The following ZCCHC14 variants were observed in gnomAD, a reference collection of about 807,000 sequenced individuals.
ZCCHC14 encodes zinc finger CCHC-type containing 14.
A neutral mutation model predicts 85.0 loss-of-function variants in ZCCHC14; 16 were observed. The ratio of observed to expected loss-of-function variants is 0.19; its 90% confidence interval spans 0.13 to 0.29. The LOEUF (loss-of-function observed/expected upper bound fraction) is 0.29. ZCCHC14 is among the 10% of genes least tolerant of loss of function. ZCCHC14 has a pLI of 1.00. For missense variants in ZCCHC14, 1,303 were observed against 1,443.5 expected (o/e 0.90, Z 1.58); for synonymous variants, 775 against 630.7 (o/e 1.23, Z -3.43).
chr16:87,419,370 G>A (rs1194145887), intron 6 of ZCCHC14, among the ~76,000 whole-genome samples: 1 of 152,130 alleles, frequency 6.6e-6, no homozygotes, highest in Non-Finnish European at 1.5e-5. Flanking sequence ...GTGCAATCTC[G>A]GCTCACTGCA....
In ZCCHC14 at chr16:87,492,907, CGCGGCG is replaced by C. The variant is rs766547110; in HGVS notation, c.-675_-670del. Among the ~76,000 whole-genome samples the C allele has an allele frequency of 0.024, 3,496 of 148,072 alleles. 103 individuals carry two copies. Among genetic ancestry groups the C allele is most frequent in the Admixed American group, 0.077 (1,161 of 14,994 alleles). On this transcript the variant is annotated 5_prime_UTR_variant, in exon 1 of 13. Transcript: ENST00000671377. This position sits in a 1 kb window ranked among gnomAD's most constrained non-coding sequence, Gnocchi z 6.7. ...CGCGGCGGACGGATCCGGGCCCGAGCGCGGCGGCGGCGGCGACGGCGACGGCGACGG... is the reference window on the plus strand; with the variant it reads ...CGCGGCGGACGGATCCGGGCCCGAGCGCGGCGGCGACGGCGACGGCGACGG...
chr16:87,465,260 G>A lies in ZCCHC14; in HGVS notation c.571-5129C>T, dbSNP rs934654657. On this transcript the variant is annotated intron_variant, in intron 1 of 12. Transcript: ENST00000671377. Reference sequence around the variant, plus strand: ...GTTCACTGCTGTTCCTTTGCACTTCGAACTGGGCCTGGCATGAAGCAGGCC... The same window carrying A: ...GTTCACTGCTGTTCCTTTGCACTTCAAACTGGGCCTGGCATGAAGCAGGCC... Among the ~76,000 whole-genome samples the A allele has an allele frequency of 3.3e-5, 5 of 152,216 alleles. No individual in the cohort carries two copies. In the South Asian group the frequency reaches 1.0e-3, roughly 32 times the overall value.
rs1045947045 is a variant in ZCCHC14, at chr16:87,492,741, G to C, written c.-503C>G. 3 of 145,718 alleles carry C rather than the reference G, an allele frequency of 2.1e-5. No homozygotes were observed. Among genetic ancestry groups the C allele is most frequent in the Non-Finnish European group, 4.6e-5 (3 of 65,686 alleles). 9.0% of individuals were successfully genotyped at this position (145,718 alleles called of 1,614,324 possible). A position where few individuals can be genotyped will look rare whatever the true frequency, so the allele number is the denominator to read the frequency against. ...GCCCGCGCCTCCGCCCAGGCCGGCC[G>C]TTACCCCGGGCCGCGGGCGCGGCGT... On this transcript the variant is annotated 5_prime_UTR_variant, in exon 1 of 13. Coordinates refer to ENST00000671377, the MANE Select transcript of ZCCHC14 (RefSeq NM_015144.3). This position sits in a 1 kb window ranked among gnomAD's most constrained non-coding sequence, Gnocchi z 6.7.
chr16:87,492,958 G>T lies in ZCCHC14; in HGVS notation c.-720C>A, dbSNP rs944076219. Reference sequence around the variant, plus strand: ...CGACGGCGACGGCGACGGCGGAGGAGGCGCCGGCCGAGGAGCGGAGGGATC... The same window carrying T: ...CGACGGCGACGGCGACGGCGGAGGATGCGCCGGCCGAGGAGCGGAGGGATC... On this transcript the variant is annotated 5_prime_UTR_variant, in exon 1 of 13. Transcript: ENST00000671377. This position sits in a 1 kb window ranked among gnomAD's most constrained non-coding sequence, Gnocchi z 6.7. 2.6e-5 allele frequency among the ~76,000 whole-genome samples: 4 copies of T among 151,374 alleles called. No individual in the cohort carries two copies. Among genetic ancestry groups the T allele is most frequent in the Admixed American group, 2.0e-4 (3 of 15,196 alleles).
intron 2 of ZCCHC14, among the ~76,000 whole-genome samples, chr16:87,457,302 G>A (rs1911022736): frequency 6.6e-6 from 1 of 152,248 alleles, no homozygotes; most frequent in African/African-American, 2.4e-5. Flanking sequence ...TTTCAGTACA[G>A]TCCCACCTTT....
At chr16:87,417,896 G>A in intron 7 of ZCCHC14, 154 bp from the exon 8 acceptor site, 1 of 866,514 alleles carries the variant, frequency 1.2e-6, no homozygotes, top group Non-Finnish European at 1.7e-6. Context: ...ACACTGCTGT[G>A]CTATGACTGC....
intron 1 of ZCCHC14, among the ~76,000 whole-genome samples, chr16:87,468,334 G>C (rs1911624002): frequency 6.6e-6 from 1 of 152,112 alleles, no homozygotes; most frequent in African/African-American, 2.4e-5. Context: ...TGCTCATTAA[G>C]AGATATCTTA....
intron 8 of ZCCHC14, 29 bp from the exon 9 acceptor site, chr16:87,415,396 T>C: frequency 1.3e-6 from 2 of 1,590,740 alleles, no homozygotes; most frequent in Non-Finnish European, 8.6e-7. Context: ...ATTACAAAGT[T>C]ACGGAGACAT....
chr16:87,425,260 C>T (rs763142434), intron 3 of ZCCHC14, among the ~76,000 whole-genome samples: 6 of 152,190 alleles, frequency 3.9e-5, no homozygotes, highest in Non-Finnish European at 7.3e-5. Flanking sequence ...ACCTTGCCAC[C>T]CAGAATCTTC....
In ZCCHC14 at chr16:87,412,507, C is replaced by T. The variant is rs762363292; in HGVS notation, c.2214G>A (p.Thr738=). The T allele has an allele frequency of 1.9e-5, 31 of 1,613,892 alleles. No individual in the cohort carries two copies. Among genetic ancestry groups the T allele is most frequent in the East Asian group, 2.2e-5 (1 of 44,878 alleles). ...GPRTKVVHAS[T]LDRVLKTAQQ... ...GTGCTGTCTTCAGCACCCTGTCCAGCGTGGATGCATGCACGACTTTGGTCC... is the reference window on the plus strand; with the variant it reads ...GTGCTGTCTTCAGCACCCTGTCCAGTGTGGATGCATGCACGACTTTGGTCC... The change falls in exon 12 of 13, where the codon ACG becomes ACA. Residue 738 remains threonine (T), a synonymous_variant. Transcript: ENST00000671377.
chr16:87,451,916 G>C (rs1334694124), intron 2 of ZCCHC14, among the ~76,000 whole-genome samples: 5 of 152,226 alleles, frequency 3.3e-5, no homozygotes, highest in South Asian at 2.1e-4. Flanking sequence ...CACGAGCCTG[G>C]GCAGTTATTT....
chr16:87,452,719 G>C (rs1910764217), intron 2 of ZCCHC14, among the ~76,000 whole-genome samples: 1 of 152,210 alleles, frequency 6.6e-6, no homozygotes, highest in East Asian at 1.9e-4. Context: ...AGTCACAAAT[G>C]CCAAGAAAAG....
At chr16:87,453,536 G>A (rs560498768) in intron 2 of ZCCHC14, among the ~76,000 whole-genome samples, 8 of 152,350 alleles carry the variant, frequency 5.3e-5, no homozygotes, top group Admixed American at 5.2e-4. Context: ...CAAAGCCCAG[G>A]CTCTGCACGT....
intron 1 of ZCCHC14, among the ~76,000 whole-genome samples, chr16:87,464,592 G>T (rs909483616): frequency 6.6e-6 from 1 of 152,180 alleles, no homozygotes; most frequent in African/African-American, 2.4e-5. Flanking sequence ...AACACACACT[G>T]CATCTGACAT....
chr16:87,456,489 C>A (rs1022101406), intron 2 of ZCCHC14, among the ~76,000 whole-genome samples: 7 of 131,914 alleles, frequency 5.3e-5, no homozygotes, highest in African/African-American at 1.7e-4. Context: ...GCTGTGATTG[C>A]GCCACTGCAC....
chr16:87,491,599 T>A lies in ZCCHC14; in HGVS notation c.570+70A>T. On this transcript the variant is annotated intron_variant, in intron 1 of 12. Coordinates refer to ENST00000671377, the MANE Select transcript of ZCCHC14 (RefSeq NM_015144.3). This position sits in a 1 kb window ranked among gnomAD's most constrained non-coding sequence, Gnocchi z 5.9. Reference sequence around the variant, plus strand: ...TGGGTCGGGGGGTCGCGGTGCAGGCTGGAGGCTTGGAGTGCAGAGTTGGGG... The same window carrying A: ...TGGGTCGGGGGGTCGCGGTGCAGGCAGGAGGCTTGGAGTGCAGAGTTGGGG... 1 of 1,313,990 alleles carries A rather than the reference T, an allele frequency of 7.6e-7. No individual in the cohort carries two copies. The highest frequency in any genetic ancestry group is 9.7e-7 in the Non-Finnish European group (1 of 1,026,948). 81.4% of individuals were successfully genotyped at this position (1,313,990 alleles called of 1,614,324 possible).
chr16:87,458,305 A>C (rs1911075572), intron 2 of ZCCHC14, among the ~76,000 whole-genome samples: 1 of 152,120 alleles, frequency 6.6e-6, no homozygotes, highest in Admixed American at 6.5e-5. Context: ...TCTACAGCGG[A>C]GGGACTCCCT....
Position 87,433,193 on chromosome 16 carries a change from C to G in ZCCHC14, c.703G>C (p.Glu235Gln). The G allele has an allele frequency of 6.2e-7, 1 of 1,613,968 alleles. No homozygotes were observed. The highest frequency in any genetic ancestry group is 8.5e-7 in the Non-Finnish European group (1 of 1,179,926). ...GATAATCCCTTCAGGTCTATCTTTT[C>G]AACACTCACTGTAAAAGTAAAACAA... ...PLGKHSKVSV[E>Q]KIDLKGLSHT... is the part of the protein sequence containing the mutation. Residue 235 changes from glutamate to glutamine, a missense_variant, in exon 3 of 13, where the codon GAA becomes CAA. Glu to Gln is a conservative substitution (Grantham distance 29, BLOSUM62 2). This residue lies in a region of ZCCHC14 where 389 missense variants were observed against 397.8 expected (regional missense o/e 0.98). Coordinates refer to ENST00000671377, the MANE Select transcript of ZCCHC14 (RefSeq NM_015144.3).
chr16:87,461,007 C>T (rs1343593273), intron 1 of ZCCHC14, among the ~76,000 whole-genome samples: 1 of 152,218 alleles, frequency 6.6e-6, no homozygotes, highest in Non-Finnish European at 1.5e-5. Context: ...TGGGGTGTGC[C>T]CACTGCAGGA....
Sources: gnomAD v4.1 joint callset for allele counts (sites outside exome capture counted in the v4.1 genomes callset) on GRCh38, gnomAD v4.1.1 for gene constraint, gnomAD v4.1.1 regional missense constraint, Gnocchi (gnomAD v3.1) non-coding constraint, MANE v1.5 for transcripts, NCBI Gene and HGNC (gene_info 2026-07-23, HGNC 2026-07-21) for gene names.